The following SMTNL2 variants were observed in gnomAD, a reference collection of about 807,000 sequenced individuals.
The protein encoded by SMTNL2 is smoothelin-like protein 2.
SMTNL2 carries 43 observed loss-of-function variants against 44.1 expected under a neutral mutation model. That is an observed-to-expected ratio of 0.98 (90% CI 0.76 to 1.26). SMTNL2 has a LOEUF of 1.26. Ranked by LOEUF, SMTNL2 falls within the 50% of genes most tolerant of loss-of-function variation. The pLI is 0.00. For synonymous variants in SMTNL2, 317 were observed against 287.6 expected (o/e 1.10, Z -1.03); for missense variants, 646 against 670.2 (o/e 0.96, Z 0.40).
In SMTNL2 at chr17:4,592,390, G is replaced by A. The variant is rs201318448; in HGVS notation, c.429G>A (p.Ser143=). The part of the protein sequence containing the change: ...QSLDHDEASE[S]EMRKTSNSCI... ...TGGATCACGATGAGGCCAGTGAGTC[G>A]GAGATGAGAAAGACCTCAAACTCCT... The change falls in exon 2 of 8, where the codon TCG becomes TCA. Residue 143 remains serine (S), a synonymous_variant. Coordinates refer to ENST00000389313, the MANE Select transcript of SMTNL2 (RefSeq NM_001114974.2). This position sits in a 1 kb window ranked among gnomAD's most constrained non-coding sequence, Gnocchi z 4.5. 71 of 1,613,688 alleles carry A rather than the reference G, an allele frequency of 4.4e-5. No individual in the cohort carries two copies. The African/African-American group carries it at 5.3e-4, about 12-fold the overall frequency.
rs1024814819 is a variant in SMTNL2, at chr17:4,598,732, G to A, written c.1259+1409G>A. Among the ~76,000 whole-genome samples, 7 of 152,106 alleles carry A rather than the reference G, an allele frequency of 4.6e-5. No individual in the cohort carries two copies. Among genetic ancestry groups the A allele is most frequent in the Admixed American group, 3.9e-4 (6 of 15,276 alleles). On this transcript the variant is annotated intron_variant, in intron 7 of 7. Transcript: ENST00000389313. The surrounding 1 kb of genome is among the most constrained non-coding windows in gnomAD (Gnocchi z 4.8). ...CCAGCTACTCAGGAGGCTGAGGCAG[G>A]AGAATTGTTAGAACCCAAGAGAAAG...
chr17:4,601,702 T>A (rs1910039773), intron 7 of SMTNL2, among the ~76,000 whole-genome samples: 1 of 147,386 alleles, frequency 6.8e-6, no homozygotes, highest in Admixed American at 6.8e-5. Context: ...TTTTTTTTTT[T>A]AGAGACGGGG....
intron 3 of SMTNL2, 121 bp downstream of exon 3, chr17:4,593,292 G>A: frequency 7.3e-7 from 1 of 1,361,318 alleles, no homozygotes; most frequent in South Asian, 1.5e-5. Flanking sequence ...GCCCAGCCCT[G>A]CCTCTGCCTG....
chr17:4,592,538 C>T lies in SMTNL2; in HGVS notation c.487+90C>T. On this transcript the variant is annotated intron_variant, in intron 2 of 7. Transcript: ENST00000389313. The surrounding 1 kb of genome is among the most constrained non-coding windows in gnomAD (Gnocchi z 4.5). ...GTATCTGTGCCAGGCTGGCCCTTGG[C>T]CTGGCATCGGGGGGACTCTATCCTG... 1.6e-6 allele frequency: 2 copies of T among 1,284,446 alleles called. No individual in the cohort carries two copies. The highest frequency in any genetic ancestry group is 2.2e-6 in the Non-Finnish European group (2 of 927,734). 79.6% of individuals were successfully genotyped at this position (1,284,446 alleles called of 1,614,324 possible).
intron 7 of SMTNL2, among the ~76,000 whole-genome samples, chr17:4,597,682 T>A (rs1328667157): frequency 6.6e-6 from 1 of 152,162 alleles, no homozygotes; most frequent in African/African-American, 2.4e-5. Flanking sequence ...TCTGGACTGA[T>A]GGAGAGATGC....
chr17:4,592,595 GC>G lies in SMTNL2; in HGVS notation c.487+148del. On this transcript the variant is annotated intron_variant, in intron 2 of 7. Coordinates refer to ENST00000389313, the MANE Select transcript of SMTNL2 (RefSeq NM_001114974.2). The surrounding 1 kb of genome is among the most constrained non-coding windows in gnomAD (Gnocchi z 4.5). ...AGCAGGGAGAGAGGCTGCCAGGAGA[GC>G]AGCGTCATTCAGTAGAACTTGTGAA... 1.3e-6 allele frequency: 1 copy of G among 747,596 alleles called. No homozygotes were observed. The highest frequency in any genetic ancestry group is 2.1e-6 in the Non-Finnish European group (1 of 469,174). The allele number at this position is 747,596 out of a possible 1,614,324, so 46.3% of individuals were successfully genotyped here. A position where few individuals can be genotyped will look rare whatever the true frequency, so the allele number is the denominator to read the frequency against.
In SMTNL2 at chr17:4,608,212, A is replaced by C. The variant is rs1286941730; in HGVS notation, c.*725A>C. On this transcript the variant is annotated 3_prime_UTR_variant, in exon 8 of 8. Coordinates refer to ENST00000389313, the MANE Select transcript of SMTNL2 (RefSeq NM_001114974.2). ...GAATAGGCCCTTTGTGCTGAGAGAG[A>C]GTTTTTATTCACATCTTTTTTAGGG... is the stretch of plus-strand genomic sequence containing the variant. The C allele has an allele frequency of 6.6e-6, 1 of 152,078 alleles. No individual in the cohort carries two copies. The highest frequency in any genetic ancestry group is 1.5e-5 in the Non-Finnish European group (1 of 68,018). 9.4% of individuals were successfully genotyped at this position (152,078 alleles called of 1,614,324 possible). A position where few individuals can be genotyped will look rare whatever the true frequency, so the allele number is the denominator to read the frequency against.
chr17:4,599,553 G>A (rs191177634), intron 7 of SMTNL2, among the ~76,000 whole-genome samples: 2 of 152,162 alleles, frequency 1.3e-5, no homozygotes, highest in Non-Finnish European at 1.5e-5. Context: ...ACACTGTCTT[G>A]CAGGATTCTT....
Position 4,595,990 on chromosome 17 carries a change from C to A in SMTNL2, c.989+663C>A, listed in dbSNP as rs1471693560. 2.1e-3 allele frequency among the ~76,000 whole-genome samples: 175 copies of A among 82,872 alleles called. No individual in the cohort carries two copies. The highest frequency in any genetic ancestry group is 0.021 in the Middle Eastern group (2 of 96). The allele number at this position is 82,872 out of a possible 152,430, so 54.4% of individuals were successfully genotyped here. A position where few individuals can be genotyped will look rare whatever the true frequency, so the allele number is the denominator to read the frequency against. The stretch of plus-strand genomic sequence containing the variant: ...TCTGCTGTGTGCAGGGTGTGGCCCA[C>A]GCGTGGTATTGATGCCTGCTGTGTG... On this transcript the variant is annotated intron_variant, in intron 5 of 7. Coordinates refer to ENST00000389313, the MANE Select transcript of SMTNL2 (RefSeq NM_001114974.2). This position sits in a 1 kb window ranked among gnomAD's most constrained non-coding sequence, Gnocchi z 5.1.
Position 4,584,918 on chromosome 17 carries a change from G to A in SMTNL2, c.313G>A (p.Ala105Thr), listed in dbSNP as rs1160703445. The A allele has an allele frequency of 1.5e-6, 2 of 1,293,458 alleles. No homozygotes were observed. The highest frequency in any genetic ancestry group is 1.9e-6 in the Non-Finnish European group (2 of 1,026,502). The allele number at this position is 1,293,458 out of a possible 1,614,324, so 80.1% of individuals were successfully genotyped here. Reference sequence around the variant, plus strand: ...TCCCGGCACGCCCAGCCCCCCGCCCGCGCCCGGGGTTCCCGACCGCGCGCC... The same window carrying A: ...TCCCGGCACGCCCAGCCCCCCGCCCACGCCCGGGGTTCCCGACCGCGCGCC... ...GTPGTPSPPP[A>T]PGVPDRAPRL... Residue 105 changes from alanine to threonine, a missense_variant, in exon 1 of 8, where the codon GCG becomes ACG. Ala to Thr is a moderately conservative substitution (Grantham distance 58). Coordinates refer to ENST00000389313, the MANE Select transcript of SMTNL2 (RefSeq NM_001114974.2).
Sources: allele counts gnomAD v4.1 joint callset (sites outside exome capture counted in the v4.1 genomes callset), GRCh38; gene constraint gnomAD v4.1.1; non-coding constraint Gnocchi (gnomAD v3.1); transcripts MANE v1.5; gene names NCBI Gene and HGNC (gene_info 2026-07-23, HGNC 2026-07-21).